The following LTBP2 variants were observed in gnomAD, a reference collection of about 807,000 sequenced individuals.
LTBP2 encodes the protein latent transforming growth factor beta binding protein 2.
LTBP2 carries 103 observed loss-of-function variants against 210.6 expected under a neutral mutation model. That is an observed-to-expected ratio of 0.49 (90% CI 0.42 to 0.58). LTBP2 has a LOEUF of 0.58. LTBP2 is among the 20% of genes least tolerant of loss of function. LTBP2 has a pLI of 0.00. For synonymous variants in LTBP2, 1,007 were observed against 1,015.0 expected, an observed-to-expected ratio of 0.99 and a Z score of 0.15; for missense variants, 2,313 against 2,494.5, an observed-to-expected ratio of 0.93 and a Z score of 1.55.
chr14:74,543,056 C>T (rs951459478), intron 8 of LTBP2, among the ~76,000 whole-genome samples: 3 of 151,840 alleles, frequency 2.0e-5, no homozygotes, highest in Admixed American at 1.3e-4. Context: ...CGTGAGCCAC[C>T]GCTCCTGGCT....
chr14:74,523,110 G>A (rs1425254474), intron 15 of LTBP2, among the ~76,000 whole-genome samples, 192 bp from the exon 16 acceptor site: 1 of 151,772 alleles, frequency 6.6e-6, no homozygotes, highest in African/African-American at 2.4e-5. Context: ...CCAGCACCCC[G>A]AGCCCTACCC....
chr14:74,563,295 TA>T (rs748980377), intron 3 of LTBP2, among the ~76,000 whole-genome samples: 11 of 152,208 alleles, frequency 7.2e-5, no homozygotes, highest in African/African-American at 1.2e-4. Context: ...ATCCCACCTC[TA>T]GGGGACCCGA....
intron 2 of LTBP2, among the ~76,000 whole-genome samples, chr14:74,590,603 G>GAAAAGA: frequency 1.3e-5 from 2 of 152,030 alleles, no homozygotes; most frequent in South Asian, 4.2e-4. Context: ...AAAAGAAAAA[G>GAAAAGA]AAAAGAAAAA....
chr14:74,597,702 CAG>C (rs2088387047), intron 2 of LTBP2, among the ~76,000 whole-genome samples: 1 of 152,218 alleles, frequency 6.6e-6, no homozygotes, highest in Non-Finnish European at 1.5e-5. Context: ...AAGAAATGGA[CAG>C]GGTCTCTTGA....
intron 2 of LTBP2, among the ~76,000 whole-genome samples, chr14:74,600,341 G>A (rs1275920064): frequency 6.6e-6 from 1 of 152,186 alleles, no homozygotes; most frequent in African/African-American, 2.4e-5. Flanking sequence ...GGGTCAGGGT[G>A]GGTGACCGGG....
rs2086890294 is a variant in LTBP2, at chr14:74,499,742, AAAC to A, written c.*1139_*1141del. 1 of 227,138 alleles carries A rather than the reference AAAC, an allele frequency of 4.4e-6. No homozygotes were observed. 14.1% of individuals were successfully genotyped at this position (227,138 alleles called of 1,614,324 possible). A position where few individuals can be genotyped will look rare whatever the true frequency, so the allele number is the denominator to read the frequency against. On this transcript the variant is annotated 3_prime_UTR_variant, in exon 36 of 36. Coordinates refer to ENST00000261978, the MANE Select transcript of LTBP2 (RefSeq NM_000428.3). The stretch of plus-strand genomic sequence containing the variant: ...AGAAATTTAATCTGATATGAAATAA[AAAC>A]AACAGAAGAGACCAGATGCACATTT...
At chr14:74,550,063 C>G in intron 7 of LTBP2, 98 bp from the exon 8 acceptor site, 1 of 802,410 alleles carries the variant, frequency 1.2e-6, no homozygotes, top group Non-Finnish European at 2.2e-6. Flanking sequence ...GAGCTCACTC[C>G]CCACATTCTG....
chr14:74,516,106 C>G (rs1395298128), intron 18 of LTBP2, among the ~76,000 whole-genome samples: 1 of 152,240 alleles, frequency 6.6e-6, no homozygotes, highest in Non-Finnish European at 1.5e-5. Flanking sequence ...GACCCAGGGC[C>G]AGGTTCTTCT....
In LTBP2 at chr14:74,522,945, T is replaced by C. The variant is rs775418641; in HGVS notation, c.2531-27A>G. The stretch of plus-strand genomic sequence containing the variant: ...TGTGGGAGACAGAGCAAAACAGAGG[T>C]TATGGCAGGGTGGGTGCTGGACAAA... On this transcript the variant is annotated intron_variant, in intron 15 of 35. Transcript: ENST00000261978. 1.3e-5 allele frequency: 21 copies of C among 1,606,600 alleles called. No individual in the cohort carries two copies. In the South Asian group the frequency reaches 2.2e-4, roughly 17 times the overall value.
intron 8 of LTBP2, among the ~76,000 whole-genome samples, chr14:74,537,121 C>T (rs1355483006): frequency 6.6e-6 from 1 of 151,544 alleles, no homozygotes; most frequent in Non-Finnish European, 1.5e-5. Flanking sequence ...TGATACACAT[C>T]CTGCCTTGAA....
Position 74,525,106 on chromosome 14 carries a change from A to G in LTBP2, c.2530+18T>C. ...CAGGGCAGGGTGCAGGGAGCCCCAA[A>G]GGTCTGGCTGCAGCTACCTGGGGTG... is the stretch of plus-strand genomic sequence containing the variant. On this transcript the variant is annotated intron_variant, in intron 15 of 35. Transcript: ENST00000261978. 1 of 1,296,940 alleles carries G rather than the reference A, an allele frequency of 7.7e-7. No homozygotes were observed. Among genetic ancestry groups the G allele is most frequent in the Non-Finnish European group, 1.0e-6 (1 of 1,003,002 alleles). 80.3% of individuals were successfully genotyped at this position (1,296,940 alleles called of 1,614,324 possible). A position where few individuals can be genotyped will look rare whatever the true frequency, so the allele number is the denominator to read the frequency against.
In LTBP2 at chr14:74,611,784, C is replaced by T. The variant is rs974543649; in HGVS notation, c.161G>A (p.Arg54Gln). 1 of 1,610,500 alleles carries T rather than the reference C, an allele frequency of 6.2e-7. No individual in the cohort carries two copies. Among genetic ancestry groups the T allele is most frequent in the Non-Finnish European group, 8.5e-7 (1 of 1,179,576 alleles). ...TGCCGGGTAGCTGCCCCCAGGGCGCCGCAGTCGATTCGCGTCTCCACCAGC... is the reference window on the plus strand; with the variant it reads ...TGCCGGGTAGCTGCCCCCAGGGCGCTGCAGTCGATTCGCGTCTCCACCAGC... Reference protein sequence around the residue: ...EPAGGDANRLRRPGGSYPAAA... With the variant: ...EPAGGDANRLQRPGGSYPAAA... The change falls in exon 1 of 36, where the codon CGG becomes CAG. Residue 54 changes from arginine to glutamine, a missense_variant. Physicochemically the swap from Arg to Gln is conservative, Grantham distance 43. Around this residue, in one of 3 missense-constraint regions of LTBP2, gnomAD observed 1,867 missense variants for 1,976.9 expected, o/e 0.94. Transcript: ENST00000261978.
intron 2 of LTBP2, among the ~76,000 whole-genome samples, chr14:74,596,022 C>T (rs772164043): frequency 2.0e-5 from 3 of 151,924 alleles, no homozygotes; most frequent in Non-Finnish European, 4.4e-5. Context: ...CATGATGAAA[C>T]GTCTCTACAA....
rs114554370 is a variant in LTBP2 at position 74,545,043 on chromosome 14, G to A, written c.1789+4820C>T. The stretch of plus-strand genomic sequence containing the variant: ...CTATCTAACCCAAATCTTCTTGACG[G>A]ATATAGCACAAGTAACTCACAAAAC... On this transcript the variant is annotated intron_variant, in intron 8 of 35. Transcript: ENST00000261978. Among the ~76,000 whole-genome samples, 1,055 of 152,240 alleles carry A rather than the reference G, an allele frequency of 6.9e-3. 25 individuals carry two copies. Among genetic ancestry groups the A allele is most frequent in the African/African-American group, 0.024 (995 of 41,512 alleles).
rs2088623900 is a variant in LTBP2, at chr14:74,612,070, C to T, written c.-126G>A. On this transcript the variant is annotated 5_prime_UTR_variant, in exon 1 of 36. Coordinates refer to ENST00000261978, the MANE Select transcript of LTBP2 (RefSeq NM_000428.3). ...GCCAGCTTCTCTGAGTCTAGGGGGC[C>T]CTGAAGCGGCCGACTGGGGGCCCGG... 7 of 1,065,524 alleles carry T rather than the reference C, an allele frequency of 6.6e-6. No homozygotes were observed. The Admixed American group carries it at 2.6e-4, about 40-fold the overall frequency. The allele number at this position is 1,065,524 out of a possible 1,614,324, so 66.0% of individuals were successfully genotyped here.
chr14:74,592,758 C>T (rs766163841), intron 2 of LTBP2, among the ~76,000 whole-genome samples: 3 of 152,084 alleles, frequency 2.0e-5, no homozygotes, highest in African/African-American at 4.8e-5. Context: ...ATTATTGGTC[C>T]GTTTATCAAG....
At chr14:74,547,896 C>T (rs2139742000) in intron 8 of LTBP2, among the ~76,000 whole-genome samples, 1 of 152,276 alleles carries the variant, frequency 6.6e-6, no homozygotes, top group South Asian at 2.1e-4. Flanking sequence ...GACATGCCTG[C>T]CTTTCTACAG....
intron 3 of LTBP2, among the ~76,000 whole-genome samples, chr14:74,566,054 G>T (rs1046216242): frequency 1.3e-5 from 2 of 151,252 alleles, no homozygotes; most frequent in Non-Finnish European, 2.9e-5. Context: ...GGACACGTGC[G>T]TGTGCCTATA....
chr14:74,606,684 TA>T (rs1001020412), intron 1 of LTBP2, among the ~76,000 whole-genome samples: 17 of 152,034 alleles, frequency 1.1e-4, no homozygotes, highest in African/African-American at 4.1e-4. Flanking sequence ...CCGTCTCTAC[TA>T]AAAATTAGCT....
Sources: gnomAD v4.1 joint callset for allele counts (sites outside exome capture counted in the v4.1 genomes callset) on GRCh38, gnomAD v4.1.1 for gene constraint, gnomAD v4.1.1 regional missense constraint, MANE v1.5 for transcripts, NCBI Gene and HGNC (gene_info 2026-07-23, HGNC 2026-07-21) for gene names.